The following ZNF423 variants were observed in gnomAD, a reference collection of about 807,000 sequenced individuals.
The protein encoded by ZNF423 is Ebf-associated zinc finger protein.
In ZNF423, 12 loss-of-function variants were observed where a neutral mutation model predicts 95.8. That is an observed-to-expected ratio of 0.13 (90% CI 0.08 to 0.20). The LOEUF (loss-of-function observed/expected upper bound fraction) is 0.20, where lower values mean the gene tolerates loss of function less well. Among genes scored for constraint, ZNF423 ranks in the 10% least tolerant of loss-of-function variants. The pLI, the probability that ZNF423 is intolerant of heterozygous loss-of-function variation, is 1.00. For missense variants in ZNF423, 1,316 were observed against 1,737.1 expected, an observed-to-expected ratio of 0.76 and a Z score of 4.31; for synonymous variants, 749 against 711.9, an observed-to-expected ratio of 1.05 and a Z score of -0.83.
Position 49,833,397 on chromosome 16 carries a change from A to G in ZNF423, c.40+22338T>C, listed in dbSNP as rs535110168. On this transcript the variant is annotated intron_variant, in intron 1 of 7. Coordinates refer to ENST00000563137, the MANE Select transcript of ZNF423 (RefSeq NM_001379286.1). The stretch of plus-strand genomic sequence containing the variant: ...GCAAGCGATTATTTTGTTTCCTAAG[A>G]ACAATCACTATGCAAATGAAACCTC... 1.3e-4 allele frequency among the ~76,000 whole-genome samples: 20 copies of G among 152,354 alleles called. No homozygotes were observed. The South Asian group carries it at 4.1e-3, about 32-fold the overall frequency.
intron 2 of ZNF423, among the ~76,000 whole-genome samples, chr16:49,742,561 G>A (rs926098710): frequency 6.6e-6 from 1 of 152,204 alleles, no homozygotes; most frequent in Non-Finnish European, 1.5e-5. Flanking sequence ...GTGACCTCCT[G>A]AGGCAGTGAC....
chr16:49,727,911 G>A (rs2033067632), intron 3 of ZNF423, among the ~76,000 whole-genome samples: 1 of 152,220 alleles, frequency 6.6e-6, no homozygotes, highest in Non-Finnish European at 1.5e-5. Flanking sequence ...CCATCAGCCT[G>A]GCCAGGGGGA....
chr16:49,545,307 C>T (rs1969400166), intron 5 of ZNF423, among the ~76,000 whole-genome samples: 1 of 152,200 alleles, frequency 6.6e-6, no homozygotes, highest in Admixed American at 6.5e-5. Context: ...GGCCCTGACT[C>T]CTTGTCCAGT....
At chr16:49,852,597 AACCACCAC>A (rs2035313780) in intron 1 of ZNF423, among the ~76,000 whole-genome samples, 1 of 152,210 alleles carries the variant, frequency 6.6e-6, no homozygotes, top group African/African-American at 2.4e-5. Flanking sequence ...AAATCACTGC[AACCACCAC>A]ACCATACCAC....
In ZNF423 at chr16:49,543,904, A is replaced by C. The variant is rs148073398; in HGVS notation, c.3602-18410T>G. Among the ~76,000 whole-genome samples the C allele has an allele frequency of 4.1e-3, 615 of 150,290 alleles. 2 individuals are homozygous for C. The highest frequency in any genetic ancestry group is 7.0e-3 in the Non-Finnish European group (474 of 67,384). On this transcript the variant is annotated intron_variant, in intron 5 of 7. Transcript: ENST00000563137. ...GAATCTCAGTCTGCTGATCTGTAAA[A>C]ACAGAGGGAGATCTACCCTACAGGG...
intron 3 of ZNF423, among the ~76,000 whole-genome samples, chr16:49,658,796 G>A (rs144039357): frequency 6.6e-6 from 1 of 152,178 alleles, no homozygotes; most frequent in East Asian, 1.9e-4. Context: ...AGGCATCAAG[G>A]CTGGGGCATG....
At chr16:49,822,413 A>G (rs1021572942) in intron 1 of ZNF423, among the ~76,000 whole-genome samples, 1 of 152,056 alleles carries the variant, frequency 6.6e-6, no homozygotes, top group Non-Finnish European at 1.5e-5. Context: ...ACCTCAGGCG[A>G]TCCACCTGCC....
At chr16:49,770,136 G>T (rs1300038387) in intron 2 of ZNF423, among the ~76,000 whole-genome samples, 1 of 152,158 alleles carries the variant, frequency 6.6e-6, no homozygotes. Flanking sequence ...TCTGTTCCTG[G>T]ATGTTCACCA....
chr16:49,727,274 C>A (rs974302518), intron 3 of ZNF423, among the ~76,000 whole-genome samples: 1 of 152,138 alleles, frequency 6.6e-6, no homozygotes, highest in East Asian at 1.9e-4. Context: ...CAGAGAGGTG[C>A]CTTCTCGAGC....
intron 2 of ZNF423, among the ~76,000 whole-genome samples, chr16:49,768,672 G>A (rs887784182): frequency 1.3e-5 from 2 of 151,974 alleles, no homozygotes; most frequent in African/African-American, 2.4e-5. Context: ...CTTCAATGCC[G>A]ATGTCCCAAC....
chr16:49,688,129 G>C lies in ZNF423; in HGVS notation c.301+42642C>G, dbSNP rs370720917. On this transcript the variant is annotated intron_variant, in intron 3 of 7. Transcript: ENST00000563137. ...AAAAAAACTCTTCAAATTCACATTG[G>C]GCAGGGCTCCGTGGGGCAGCAGATC... 1.0e-4 allele frequency among the ~76,000 whole-genome samples: 15 copies of C among 150,320 alleles called. No individual in the cohort carries two copies. The East Asian group carries it at 2.2e-3, about 22-fold the overall frequency.
In ZNF423 at chr16:49,769,310, G is replaced by A. The variant is rs146915765; in HGVS notation, c.100+20177C>T. ...GTGGAGGTTGCAGTGAGCCGAGATCGCGCCAATGCACTCCAGCCTGGGCAA... is the reference window on the plus strand; with the variant it reads ...GTGGAGGTTGCAGTGAGCCGAGATCACGCCAATGCACTCCAGCCTGGGCAA... On this transcript the variant is annotated intron_variant, in intron 2 of 7. Transcript: ENST00000563137. Among the ~76,000 whole-genome samples, 697 of 150,522 alleles carry A rather than the reference G, an allele frequency of 4.6e-3. 5 individuals carry two copies. The highest frequency in any genetic ancestry group is 0.017 in the Middle Eastern group (5 of 292).
chr16:49,707,614 C>CA (rs55751184), intron 3 of ZNF423, among the ~76,000 whole-genome samples: 4,527 of 54,390 alleles, frequency 0.083, 83 homozygotes, highest in African/African-American at 0.098. Context: ...GAGACTGTCT[C>CA]AAAAAAAAAA....
At chr16:49,745,852 G>A (rs762478423) in intron 2 of ZNF423, among the ~76,000 whole-genome samples, 4 of 152,174 alleles carry the variant, frequency 2.6e-5, no homozygotes, top group Non-Finnish European at 5.9e-5. Context: ...ATCAAAGGCA[G>A]GAAAGGACTC....
Position 49,501,503 on chromosome 16 carries a change from C to G in ZNF423, c.3850-10199G>C, listed in dbSNP as rs576807285. Among the ~76,000 whole-genome samples the G allele has an allele frequency of 4.8e-4, 73 of 152,106 alleles. 3 individuals carry two copies. The South Asian group carries it at 0.011, about 24-fold the overall frequency. On this transcript the variant is annotated intron_variant, in intron 7 of 7. Coordinates refer to ENST00000563137, the MANE Select transcript of ZNF423 (RefSeq NM_001379286.1). ...AAGAACTAAGAATTGAACTACCATTCAACCCAGCAATCCCATTACTGCAGA... is the reference window on the plus strand; with the variant it reads ...AAGAACTAAGAATTGAACTACCATTGAACCCAGCAATCCCATTACTGCAGA...
At chr16:49,749,677 C>G (rs1042040093) in intron 2 of ZNF423, among the ~76,000 whole-genome samples, 2 of 152,104 alleles carry the variant, frequency 1.3e-5, no homozygotes, top group African/African-American at 4.8e-5. Flanking sequence ...CGCCCCTGGG[C>G]CATGGTCATC....
intron 2 of ZNF423, among the ~76,000 whole-genome samples, chr16:49,757,890 CT>C (rs2033756902): frequency 6.6e-6 from 1 of 152,124 alleles, no homozygotes. Flanking sequence ...TAATCCTCCC[CT>C]GACCCGCCCT....
rs116964711 is a variant in ZNF423, at chr16:49,627,406, C to G, written c.3517-1152G>C. Among the ~76,000 whole-genome samples the G allele has an allele frequency of 7.4e-5, 11 of 148,578 alleles. No individual in the cohort carries two copies. The East Asian group carries it at 2.3e-3, about 31-fold the overall frequency. ...CCATCTACCTATCCATCCATATACT[C>G]CACCCATCCATCCATCCTCCATCTA... On this transcript the variant is annotated intron_variant, in intron 4 of 7. Transcript: ENST00000563137.
At chr16:49,808,278 T>C (rs1290197665) in intron 1 of ZNF423, among the ~76,000 whole-genome samples, 1 of 152,066 alleles carries the variant, frequency 6.6e-6, no homozygotes, top group Admixed American at 6.6e-5. Context: ...TCTAGGCTGG[T>C]CTTGAACTCC....
Sources: gnomAD v4.1 joint callset for allele counts (sites outside exome capture counted in the v4.1 genomes callset) on GRCh38, gnomAD v4.1.1 for gene constraint, MANE v1.5 for transcripts, NCBI Gene and HGNC (gene_info 2026-07-23, HGNC 2026-07-21) for gene names.